Variants in BBOF1 observed in about 807,000 individuals in gnomAD.
The protein encoded by BBOF1 is basal body orientation factor 1.
A neutral mutation model predicts 68.0 loss-of-function variants in BBOF1; 62 were observed. That is an observed-to-expected ratio of 0.91 (90% CI 0.74 to 1.13). The LOEUF (loss-of-function observed/expected upper bound fraction) is 1.13. BBOF1 is among the 50% of genes most tolerant of loss of function. The pLI is 0.00. For missense variants in BBOF1, 534 were observed against 600.1 expected (o/e 0.89, Z 1.15); for synonymous variants, 208 against 198.8 (o/e 1.05, Z -0.39).
At position 74,065,919 on chromosome 14, in the gene BBOF1, A is replaced by C. The variant is rs1347193920; in HGVS notation, c.*1220A>C. The C allele has an allele frequency of 6.2e-6, 1 of 161,224 alleles. No individual in the cohort carries two copies. The highest frequency in any genetic ancestry group is 1.4e-5 in the Non-Finnish European group (1 of 73,054). The allele number at this position is 161,224 out of a possible 1,614,324, so 10.0% of individuals were successfully genotyped here. A position where few individuals can be genotyped will look rare whatever the true frequency, so the allele number is the denominator to read the frequency against. ...GTTGCTGATAAACGGATTTTTCTGT[A>C]TGGTTCTGTGGCAAGAGATTTCATA... On this transcript the variant is annotated 3_prime_UTR_variant, in exon 12 of 12. Coordinates refer to ENST00000394009, the MANE Select transcript of BBOF1 (RefSeq NM_025057.3).
intron 9 of BBOF1, among the ~76,000 whole-genome samples, chr14:74,077,987 T>A (rs2060631379): frequency 6.6e-6 from 1 of 152,190 alleles, no homozygotes; most frequent in East Asian, 1.9e-4. Flanking sequence ...CTGCCTGTAG[T>A]CCCAACTACT....
At chr14:74,045,912 C>CT (rs1207307915) in intron 5 of BBOF1, 148 bp from the exon 6 acceptor site, 1 of 613,656 alleles carries the variant, frequency 1.6e-6, no homozygotes, top group African/African-American at 1.9e-5. Context: ...ACACTGTCCT[C>CT]TTTGTCAGCT....
exon 10 of BBOF1, chr14:74,078,277 G>A (rs1453111872): frequency 2.2e-6 from 1 of 455,770 alleles, no homozygotes; most frequent in Admixed American, 2.4e-5. Context: ...AATGGAGAAG[G>A]TAGCCAGCAA....
intron 4 of BBOF1, among the ~76,000 whole-genome samples, chr14:74,036,339 G>A (rs1188005909): frequency 6.6e-6 from 1 of 152,146 alleles, no homozygotes; most frequent in Non-Finnish European, 1.5e-5. Flanking sequence ...TTGTGGGCAT[G>A]AGCCACTGCA....
chr14:74,045,753 A>G, intron 5 of BBOF1, among the ~76,000 whole-genome samples: 1 of 152,208 alleles, frequency 6.6e-6, no homozygotes, highest in Non-Finnish European at 1.5e-5. Context: ...TCCTGAATGA[A>G]TAAATGAATG....
At chr14:74,060,348 G>T in intron 11 of BBOF1, 1 of 350,334 alleles carries the variant, frequency 2.9e-6, no homozygotes, top group South Asian at 2.9e-5. Flanking sequence ...CAAATCATCA[G>T]AAAATGGGAT....
intron 4 of BBOF1, 111 bp downstream of exon 4, chr14:74,034,282 A>G: frequency 1.5e-6 from 1 of 674,822 alleles, no homozygotes; most frequent in Non-Finnish European, 2.2e-6. Context: ...TCTCTTTGAC[A>G]TTTTAGAAAT....
intron 10 of BBOF1, among the ~76,000 whole-genome samples, chr14:74,079,102 T>C (rs989013736): frequency 1.3e-5 from 2 of 151,860 alleles, no homozygotes; most frequent in Non-Finnish European, 2.9e-5. Flanking sequence ...TCTTTAGTCC[T>C]TGGCCAGTAT....
At chr14:74,051,430 A>G (rs2060065882) in intron 8 of BBOF1, among the ~76,000 whole-genome samples, 2 of 151,542 alleles carry the variant, frequency 1.3e-5, no homozygotes, top group Non-Finnish European at 2.9e-5. Context: ...CAAACAAACA[A>G]AAAACCAAAA....
downstream of BBOF1, among the ~76,000 whole-genome samples, chr14:74,069,937 T>C (rs1302409224): frequency 6.7e-6 from 1 of 150,154 alleles, no homozygotes; most frequent in Non-Finnish European, 1.5e-5. Context: ...CTGCAACCTC[T>C]GTTTGCCAGG....
chr14:74,048,021 CA>C lies in BBOF1; in HGVS notation c.746del (p.Asn249ThrfsTer44), dbSNP rs747134194. ...TCACCTGAAGGAAACTGACGCTCTA[CA>C]AAAAAACTCCCAGAAGTTGCAAGAG... ...AYHLKETDAL[Q>X]KNSQKLQESH... On this transcript the variant is annotated frameshift_variant, in exon 7 of 12. Transcript: ENST00000394009. LOFTEE classifies it high-confidence loss of function. 10 of 1,613,018 alleles carry C rather than the reference CA, an allele frequency of 6.2e-6. No individual in the cohort carries two copies. The highest frequency in any genetic ancestry group is 2.2e-5 in the East Asian group (1 of 44,848).
intron 5 of BBOF1, among the ~76,000 whole-genome samples, chr14:74,042,333 G>C (rs2059841473): frequency 6.6e-6 from 1 of 152,242 alleles, no homozygotes; most frequent in African/African-American, 2.4e-5. Flanking sequence ...CTCAGGAATA[G>C]GCTGTTCTCA....
rs145024996 is a variant in BBOF1, at chr14:74,071,235, G to T, written n.1380-6961G>T. ...GGATGATGTTTAATGTTCCATCAGG[G>T]GCACCAGAATCCTGGAGCAACTTAG... is the stretch of plus-strand genomic sequence containing the variant. On this transcript the variant is annotated intron_variant and non_coding_transcript_variant, in intron 9 of 12. Transcript: ENST00000492026. 8.3e-5 allele frequency: 134 copies of T among 1,613,974 alleles called. No individual in the cohort carries two copies. Among genetic ancestry groups the T allele is most frequent in the Non-Finnish European group, 1.1e-4 (129 of 1,180,024 alleles).
chr14:74,048,084 C>T lies in BBOF1; in HGVS notation c.792+10C>T. On this transcript the variant is annotated intron_variant, in intron 7 of 11. Transcript: ENST00000394009. ...ACTTTTACATCAAAAGGTTCCCTCT[C>T]ATTTAGACTTGGTGTCCTTCTTTTC... 6.2e-7 allele frequency: 1 copy of T among 1,600,980 alleles called. No homozygotes were observed. The highest frequency in any genetic ancestry group is 8.5e-7 in the Non-Finnish European group (1 of 1,176,346).
intron 3 of BBOF1, among the ~76,000 whole-genome samples, chr14:74,029,963 A>T (rs920037700): frequency 6.6e-6 from 1 of 152,128 alleles, no homozygotes; most frequent in Admixed American, 6.6e-5. Context: ...TACCAATATA[A>T]TTACCTAGTT....
At chr14:74,067,334 T>A, downstream of BBOF1, 3 of 1,608,706 alleles carry the variant, frequency 1.9e-6, no homozygotes, top group Non-Finnish European at 2.5e-6. Flanking sequence ...AAGAGCTTAA[T>A]GCCACAGATG....
At chr14:74,028,036 T>C (rs1233237380) in intron 2 of BBOF1, among the ~76,000 whole-genome samples, 1 of 152,198 alleles carries the variant, frequency 6.6e-6, no homozygotes, top group Non-Finnish European at 1.5e-5. Context: ...TATAATTTTA[T>C]AGTGCTTGTA....
At chr14:74,027,028 C>T (rs187189625) in intron 2 of BBOF1, among the ~76,000 whole-genome samples, 56 of 150,288 alleles carry the variant, frequency 3.7e-4, no homozygotes, top group Non-Finnish European at 6.9e-4. Flanking sequence ...TAAAAATCCA[C>T]GAGTGTGTAC....
intron 11 of BBOF1, chr14:74,060,604 A>AC: frequency 7.3e-7 from 1 of 1,377,044 alleles, no homozygotes; most frequent in South Asian, 1.2e-5. Context: ...ATAAAGGGAG[A>AC]TTACTCAGGA....
Sources: allele counts gnomAD v4.1 joint callset (sites outside exome capture counted in the v4.1 genomes callset), GRCh38; gene constraint gnomAD v4.1.1; transcripts MANE v1.5; gene names NCBI Gene and HGNC (gene_info 2026-07-23, HGNC 2026-07-21).